DDX51: variants seen among roughly 807,000 people sequenced by gnomAD.
DDX51 encodes the protein ATP-dependent RNA helicase DDX51.
A neutral mutation model predicts 74.6 loss-of-function variants in DDX51; 67 were observed. That is an observed-to-expected ratio of 0.90 (90% CI 0.74 to 1.10). DDX51 has a LOEUF of 1.10. Ranked by LOEUF, DDX51 falls within the 50% of genes least tolerant of loss-of-function variation. The pLI is 0.00. For missense variants in DDX51, 1,056 were observed against 905.2 expected, an observed-to-expected ratio of 1.17 and a Z score of -2.14; for synonymous variants, 545 against 402.9, an observed-to-expected ratio of 1.35 and a Z score of -4.22.
chr12:132,143,004 C>G lies in DDX51; in HGVS notation c.520-126G>C, dbSNP rs916913600. 4 of 1,272,738 alleles carry G rather than the reference C, an allele frequency of 3.1e-6. No individual in the cohort carries two copies. In the African/African-American group the frequency reaches 5.9e-5, roughly 19 times the overall value. 78.8% of individuals were successfully genotyped at this position (1,272,738 alleles called of 1,614,324 possible). On this transcript the variant is annotated intron_variant, in intron 2 of 14. Coordinates refer to ENST00000397333, the MANE Select transcript of DDX51 (RefSeq NM_175066.4). ...TGTCGTCTTCAGCTCCTTCTCAGCC[C>G]CAGGATGCGCTTTCCATACAGCCTT...
At chr12:132,142,646 G>A (rs1461245883) in intron 3 of DDX51, 82 bp downstream of exon 3, 7 of 1,564,460 alleles carry the variant, frequency 4.5e-6, no homozygotes, top group Non-Finnish European at 5.2e-6. Flanking sequence ...TGGCAGGGAC[G>A]CCTGACCCAC....
chr12:132,142,994 C>T, intron 2 of DDX51, 116 bp from the exon 3 acceptor site: 17 of 1,393,086 alleles, frequency 1.2e-5, no homozygotes, highest in Non-Finnish European at 1.7e-5. Context: ...TCTTCAGCTC[C>T]TTCTCAGCCC....
intron 2 of DDX51, 196 bp downstream of exon 2, chr12:132,143,499 G>GCC: frequency 1.4e-6 from 1 of 722,684 alleles, no homozygotes; most frequent in Non-Finnish European, 2.2e-6. Context: ...ACAGGGGCAA[G>GCC]CCTAGCAGAG....
chr12:132,140,566 G>A (rs371359460), intron 10 of DDX51, 27 bp from the exon 11 acceptor site: 3 of 1,612,860 alleles, frequency 1.9e-6, no homozygotes, highest in African/African-American at 2.7e-5. Flanking sequence ...CTGCGGCCAA[G>A]TGATGCTGGG....
chr12:132,142,795 G>A lies in DDX51; in HGVS notation c.603C>T (p.Asp201=), dbSNP rs1194552720. 3.7e-6 allele frequency: 6 copies of A among 1,613,014 alleles called. No individual in the cohort carries two copies. Among genetic ancestry groups the A allele is most frequent in the African/African-American group, 2.7e-5 (2 of 74,942 alleles). ...GCAGGTCAGGATGGACGTCAGGGAT[G>A]TCCTCGATAGGAACCAGGTCTTCGG... The part of the protein sequence containing the change: ...NVTEDLVPIE[D]IPDVHPDLQK... Residue 201 remains aspartate, a synonymous_variant, in exon 3 of 15, where the codon GAC becomes GAT. Coordinates refer to ENST00000397333, the MANE Select transcript of DDX51 (RefSeq NM_175066.4).
chr12:132,139,360 C>T (rs1897360877), intron 14 of DDX51, 62 bp from the exon 15 acceptor site: 1 of 1,584,314 alleles, frequency 6.3e-7, no homozygotes. Flanking sequence ...CTGTGGGGCC[C>T]CGGGCTCTGC....
rs1897335604 is a variant in DDX51 at position 132,138,555 on chromosome 12, G to A, written c.*717C>T. 1.4e-5 allele frequency: 2 copies of A among 146,296 alleles called. No individual in the cohort carries two copies. The highest frequency in any genetic ancestry group is 5.1e-5 in the African/African-American group (2 of 39,346). The allele number at this position is 146,296 out of a possible 1,614,324, so 9.1% of individuals were successfully genotyped here. On this transcript the variant is annotated 3_prime_UTR_variant, in exon 15 of 15. Coordinates refer to ENST00000397333, the MANE Select transcript of DDX51 (RefSeq NM_175066.4). ...TTAGCAATGATGGTCTCTATCTCCTGACCTTGTGATCCACCTGCCTCGGCC... is the reference window on the plus strand; with the variant it reads ...TTAGCAATGATGGTCTCTATCTCCTAACCTTGTGATCCACCTGCCTCGGCC...
chr12:132,140,383 C>A, intron 11 of DDX51, 40 bp downstream of exon 11: 1 of 1,603,096 alleles, frequency 6.2e-7, no homozygotes, highest in Non-Finnish European at 8.5e-7. Flanking sequence ...GAGTGGGCAC[C>A]CCCACCCCAC....
At chr12:132,140,240 G>A (rs775929353) in intron 11 of DDX51, 41 bp from the exon 12 acceptor site, 3 of 1,596,692 alleles carry the variant, frequency 1.9e-6, no homozygotes, top group Non-Finnish European at 2.6e-6. Context: ...CGTGCCAGGA[G>A]CAGGGGCCGT....
chr12:132,140,386 C>T (rs781349371), intron 11 of DDX51, 37 bp downstream of exon 11: 2 of 1,609,854 alleles, frequency 1.2e-6, no homozygotes, highest in Non-Finnish European at 1.7e-6. Context: ...TGGGCACCCC[C>T]ACCCCACAGA....
chr12:132,139,976 T>C, intron 12 of DDX51, 52 bp from the exon 13 acceptor site: 1 of 1,611,678 alleles, frequency 6.2e-7, no homozygotes, highest in South Asian at 1.1e-5. Flanking sequence ...TTCAAGAGTC[T>C]GACGGAACGA....
At position 132,139,915 on chromosome 12, in the gene DDX51, C is replaced by T. The variant is rs1243713619; in HGVS notation, c.1785G>A (p.Arg595=). The T allele has an allele frequency of 1.2e-6, 2 of 1,612,946 alleles. No homozygotes were observed. The highest frequency in any genetic ancestry group is 2.7e-5 in the African/African-American group (2 of 74,952). Residue 595 remains arginine (R), a synonymous_variant, in exon 13 of 15, where the codon AGG becomes AGA. Coordinates refer to ENST00000397333, the MANE Select transcript of DDX51 (RefSeq NM_175066.4). ...GTCCAGTTTTCCCAGCGCGAGCTGT[C>T]CTCCCAACCCTGGAATCAAACGCAG... ...YLRTYVHRVG[R]TARAGKTGQA...
At chr12:132,140,783 G>T (rs1316753358) in intron 9 of DDX51, 48 bp from the exon 10 acceptor site, 1 of 1,613,080 alleles carries the variant, frequency 6.2e-7, no homozygotes, top group South Asian at 1.1e-5. Flanking sequence ...TTGGTTAGGG[G>T]CCCCAGGTTC....
rs1007668007 is a variant in DDX51 at position 132,141,376 on chromosome 12, G to A, written c.1149C>T (p.Ser383=). The A allele has an allele frequency of 5.0e-6, 8 of 1,598,112 alleles. No homozygotes were observed. Among genetic ancestry groups the A allele is most frequent in the Non-Finnish European group, 6.8e-6 (8 of 1,179,488 alleles). ...ADRMIDSMHQ[S]WLPRVVAAAF... Reference sequence around the variant, plus strand: ...CGGCCGCCACCACCCGCGGCAGCCAGGACTGATGCATGCTGTCAATCATCC... The same window carrying A: ...CGGCCGCCACCACCCGCGGCAGCCAAGACTGATGCATGCTGTCAATCATCC... Residue 383 remains serine, a synonymous_variant, in exon 8 of 15, where the codon TCC becomes TCT. Coordinates refer to ENST00000397333, the MANE Select transcript of DDX51 (RefSeq NM_175066.4).
Position 132,139,593 on chromosome 12 carries a change from G to A in DDX51, c.1974+42C>T, listed in dbSNP as rs375467734. ...TGGTGACGACGCCCTCTCTGCAAAC[G>A]CCCTCCCCAGAGGGTTTCATGCCGG... On this transcript the variant is annotated intron_variant, in intron 14 of 14. Transcript: ENST00000397333. The A allele has an allele frequency of 9.6e-5, 155 of 1,612,770 alleles. No homozygotes were observed. The African/African-American group carries it at 1.4e-3, about 14-fold the overall frequency.
chr12:132,142,835 A>G lies in DDX51; in HGVS notation c.563T>C (p.Val188Ala). The G allele has an allele frequency of 6.2e-7, 1 of 1,612,956 alleles. No homozygotes were observed. The highest frequency in any genetic ancestry group is 8.5e-7 in the Non-Finnish European group (1 of 1,180,016). The part of the protein sequence containing the change: ...LPRWLAEPNC[V>A]RRNVTEDLVP... Reference sequence around the variant, plus strand: ...CAGGTCTTCGGTGACATTCCTTCTGACACAGTTAGGCTCAGCCAGCCACCT... The same window carrying G: ...CAGGTCTTCGGTGACATTCCTTCTGGCACAGTTAGGCTCAGCCAGCCACCT... Residue 188 changes from valine to alanine, a missense_variant, in exon 3 of 15, where the codon GTC (valine) becomes GCC (alanine). Val to Ala is a moderately conservative substitution (Grantham distance 64). Transcript: ENST00000397333.
rs779859321 is a variant in DDX51, at chr12:132,142,790, G to C, written c.608C>G (p.Pro203Arg). ...CTTCTGCAGGTCAGGATGGACGTCAGGGATGTCCTCGATAGGAACCAGGTC... is the reference window on the plus strand; with the variant it reads ...CTTCTGCAGGTCAGGATGGACGTCACGGATGTCCTCGATAGGAACCAGGTC... ...TEDLVPIEDIPDVHPDLQKQL... is the reference protein window; with the variant it reads ...TEDLVPIEDIRDVHPDLQKQL... The change falls in exon 3 of 15, where the codon CCT (proline) becomes CGT (arginine). Residue 203 changes from proline (P) to arginine (R), a missense_variant. Transcript: ENST00000397333. The C allele has an allele frequency of 1.2e-6, 2 of 1,613,106 alleles. No individual in the cohort carries two copies. The highest frequency in any genetic ancestry group is 8.5e-7 in the Non-Finnish European group (1 of 1,180,010).
At chr12:132,142,951 G>C (rs1018693070) in intron 2 of DDX51, 73 bp from the exon 3 acceptor site, 10 of 1,597,354 alleles carry the variant, frequency 6.3e-6, no homozygotes, top group Non-Finnish European at 7.7e-6. Flanking sequence ...GGTGGAAAAA[G>C]CTAGGGGAGG....
At chr12:132,142,448 G>A (rs759292462) in intron 3 of DDX51, 26 bp from the exon 4 acceptor site, 5 of 1,607,334 alleles carry the variant, frequency 3.1e-6, no homozygotes, top group East Asian at 2.2e-5. Context: ...CGAGAGAGAA[G>A]TCGTGTTTAC....
Sources: gnomAD v4.1 joint callset for allele counts on GRCh38, gnomAD v4.1.1 for gene constraint, MANE v1.5 for transcripts, NCBI Gene and HGNC (gene_info 2026-07-23, HGNC 2026-07-21) for gene names.